The following ZNF618 variants were observed in gnomAD, a reference collection of about 807,000 sequenced individuals.
ZNF618 encodes zinc finger protein 618, also known as neural precursor cell expressed, developmentally down-regulated 10.
In ZNF618, 34 loss-of-function variants were observed where a neutral mutation model predicts 103.0. The observed-to-expected ratio is 0.33, with a 90% CI of 0.25 to 0.44. ZNF618 has a LOEUF of 0.44. ZNF618 is among the 20% of genes least tolerant of loss of function. The probability of loss-of-function intolerance (pLI) is 1.00; values close to 1 mark genes in which losing one functional copy is unlikely to be tolerated. For synonymous variants in ZNF618, 551 were observed against 542.2 expected, an observed-to-expected ratio of 1.02 and a Z score of -0.23; for missense variants, 1,059 against 1,295.4, an observed-to-expected ratio of 0.82 and a Z score of 2.80.
At chr9:114,011,005 A>G (rs1842190961) in intron 9 of ZNF618, among the ~76,000 whole-genome samples, 1 of 152,228 alleles carries the variant, frequency 6.6e-6, no homozygotes, top group African/African-American at 2.4e-5. Flanking sequence ...TGGAGCACAC[A>G]CACACAAAAT....
Position 114,007,407 on chromosome 9 carries a change from T to C in ZNF618, c.608T>C (p.Phe203Ser). The C allele has an allele frequency of 6.3e-7, 1 of 1,590,822 alleles. No homozygotes were observed. ...CGKKYKYYSC[F>S]QEHRDLHAVD... ...AAGAAGTACAAATACTACAGCTGTT[T>C]CCAAGAGCACCGAGACCTGCACGCA... The change falls in exon 7 of 15, where the codon TTC becomes TCC. Residue 203 changes from phenylalanine (F) to serine (S), a missense_variant. Coordinates refer to ENST00000374126, the MANE Select transcript of ZNF618 (RefSeq NM_001318042.2).
At position 114,050,054 on chromosome 9, in the gene ZNF618, G is replaced by T. The variant is rs764367587; in HGVS notation, c.2752G>T (p.Ala918Ser). Residue 918 changes from alanine (A) to serine (S), a missense_variant, in exon 15 of 15, where the codon GCC becomes TCC. Ala to Ser is a moderately conservative substitution (Grantham distance 99). Coordinates refer to ENST00000374126, the MANE Select transcript of ZNF618 (RefSeq NM_001318042.2). ...FWLLAVPAVG[A>S]RSGCVNMCEQ... ...GCTCCTGGCGGTTCCGGCCGTGGGC[G>T]CCAGAAGCGGGTGTGTAAATATGTG... 1.2e-6 allele frequency: 2 copies of T among 1,613,632 alleles called. No homozygotes were observed. The highest frequency in any genetic ancestry group is 1.7e-6 in the Non-Finnish European group (2 of 1,179,900).
At chr9:114,027,681 C>T (rs552825691) in intron 10 of ZNF618, among the ~76,000 whole-genome samples, 6 of 152,304 alleles carry the variant, frequency 3.9e-5, no homozygotes, top group African/African-American at 7.2e-5. Context: ...CCAGGACGGA[C>T]GCTGTCTTAG....
At chr9:114,010,182 C>T (rs1176705055) in intron 9 of ZNF618, among the ~76,000 whole-genome samples, 1 of 151,908 alleles carries the variant, frequency 6.6e-6, no homozygotes, top group African/African-American at 2.4e-5. Context: ...ACACCTATAG[C>T]CCCAGCTACT....
chr9:113,990,485 G>A (rs765143618), intron 3 of ZNF618, among the ~76,000 whole-genome samples: 1 of 152,148 alleles, frequency 6.6e-6, no homozygotes, highest in Non-Finnish European at 1.5e-5. Context: ...ATCCTGAAAG[G>A]TACAAGATAT....
intron 1 of ZNF618, among the ~76,000 whole-genome samples, chr9:113,902,600 A>G (rs1214972892): frequency 1.3e-5 from 2 of 152,214 alleles, no homozygotes; most frequent in East Asian, 3.8e-4. Flanking sequence ...TAAATAATAC[A>G]GTGTTTGAAT....
At chr9:113,931,905 TTCTCTACTCC>T (rs1385398609) in intron 1 of ZNF618, among the ~76,000 whole-genome samples, 3 of 152,234 alleles carry the variant, frequency 2.0e-5, no homozygotes, top group African/African-American at 4.8e-5. Context: ...GACAATGCTG[TTCTCTACTCC>T]TTGGGCTGAG....
At chr9:114,022,885 A>T (rs1249998914) in intron 10 of ZNF618, among the ~76,000 whole-genome samples, 2 of 152,082 alleles carry the variant, frequency 1.3e-5, no homozygotes, top group Admixed American at 6.5e-5. Flanking sequence ...AAGTAGTGCA[A>T]TGCCATTCTA....
intron 2 of ZNF618, 116 bp downstream of exon 2, chr9:113,969,276 G>C: frequency 7.9e-7 from 1 of 1,266,262 alleles, no homozygotes; most frequent in Non-Finnish European, 1.1e-6. Flanking sequence ...GTCCAGGCCA[G>C]CCCTCCTTGG....
chr9:113,964,555 A>C (rs1002192444), intron 1 of ZNF618, among the ~76,000 whole-genome samples: 13 of 151,710 alleles, frequency 8.6e-5, no homozygotes, highest in Non-Finnish European at 1.3e-4. Context: ...AAAAAATGCC[A>C]TTTTATAATT....
chr9:114,016,879 G>GT (rs1455847006), intron 10 of ZNF618, 95 bp downstream of exon 10: 3 of 948,566 alleles, frequency 3.2e-6, no homozygotes. Context: ...CCAGGAAATG[G>GT]TGAAAGCAAG....
chr9:113,963,198 A>G (rs1837029124), intron 1 of ZNF618, among the ~76,000 whole-genome samples: 1 of 152,208 alleles, frequency 6.6e-6, no homozygotes, highest in African/African-American at 2.4e-5. Flanking sequence ...GCTTCTTGCA[A>G]GCGCAGTGCC....
At position 114,032,515 on chromosome 9, in the gene ZNF618, G is replaced by A. The variant is rs1012805322; in HGVS notation, c.1085-130G>A. On this transcript the variant is annotated intron_variant, in intron 11 of 14. Coordinates refer to ENST00000374126, the MANE Select transcript of ZNF618 (RefSeq NM_001318042.2). The stretch of plus-strand genomic sequence containing the variant: ...AGGGTCCTGGGGAGATCTGGCTTGA[G>A]GTCCTGGAGCCCTCACGAGAGCTAG... 13 of 793,790 alleles carry A rather than the reference G, an allele frequency of 1.6e-5. No individual in the cohort carries two copies. In the Admixed American group the frequency reaches 1.7e-4, roughly 11 times the overall value. 49.2% of individuals were successfully genotyped at this position (793,790 alleles called of 1,614,324 possible).
intron 1 of ZNF618, among the ~76,000 whole-genome samples, chr9:113,945,476 A>C (rs1156597476): frequency 6.6e-6 from 1 of 152,210 alleles, no homozygotes; most frequent in Non-Finnish European, 1.5e-5. Context: ...AGGGGCCATG[A>C]CTGCTTTGTT....
chr9:113,958,536 C>T (rs891907704), intron 1 of ZNF618, among the ~76,000 whole-genome samples: 1 of 152,210 alleles, frequency 6.6e-6, no homozygotes, highest in Non-Finnish European at 1.5e-5. Context: ...ACAACTAGCT[C>T]ATTTAATCCT....
chr9:113,951,403 G>GTATATATGTGTGTGTATATA (rs1554732761), intron 1 of ZNF618, among the ~76,000 whole-genome samples: 1 of 41,872 alleles, frequency 2.4e-5, no homozygotes, highest in Admixed American at 2.5e-4. Flanking sequence ...ATATATATAC[G>GTATATATGTGTGTGTATATA]TATATATACA....
intron 1 of ZNF618, among the ~76,000 whole-genome samples, chr9:113,921,513 C>A (rs1254748504): frequency 6.6e-6 from 1 of 152,200 alleles, no homozygotes; most frequent in Admixed American, 6.5e-5. Context: ...AGCAGAGAAT[C>A]CAGTCTGGTT....
chr9:114,022,371 C>T (rs1843145388), intron 10 of ZNF618, among the ~76,000 whole-genome samples: 1 of 151,922 alleles, frequency 6.6e-6, no homozygotes, highest in Admixed American at 6.6e-5. Context: ...TACAATTCAA[C>T]AGTTAAGCTT....
At chr9:113,880,694 G>A (rs926759039) in intron 1 of ZNF618, among the ~76,000 whole-genome samples, 5 of 152,140 alleles carry the variant, frequency 3.3e-5, no homozygotes. Flanking sequence ...ACAAAAAATA[G>A]CAGAGGCATA....
Sources: allele counts gnomAD v4.1 joint callset (sites outside exome capture counted in the v4.1 genomes callset), GRCh38; gene constraint gnomAD v4.1.1; transcripts MANE v1.5; gene names NCBI Gene and HGNC (gene_info 2026-07-23, HGNC 2026-07-21).